OPCML: variants seen among roughly 807,000 people sequenced by gnomAD.
OPCML encodes opioid-binding protein/cell adhesion molecule.
OPCML carries 13 observed loss-of-function variants against 37.8 expected under a neutral mutation model. That is an observed-to-expected ratio of 0.34 (90% CI 0.22 to 0.55). The LOEUF (loss-of-function observed/expected upper bound fraction) is 0.55, where lower values mean the gene tolerates loss of function less well. Among genes scored for constraint, OPCML ranks in the 20% least tolerant of loss-of-function variants. The pLI is 0.91. For missense variants in OPCML, 341 were observed against 435.6 expected (o/e 0.78, Z 1.93); for synonymous variants, 176 against 168.8 (o/e 1.04, Z -0.33).
chr11:132,863,913 A>AT (rs60564335), intron 2 of OPCML, among the ~76,000 whole-genome samples: 5,456 of 150,860 alleles, frequency 0.036, 196 homozygotes, highest in South Asian at 0.18. Flanking sequence ...GTTATCACTG[A>AT]TTTTTTTTAT....
intron 1 of OPCML, among the ~76,000 whole-genome samples, chr11:133,431,419 T>TA (rs2136916976): frequency 6.6e-6 from 1 of 152,308 alleles, no homozygotes; most frequent in African/African-American, 2.4e-5. Flanking sequence ...CCTAACTACT[T>TA]ACTACAATAA....
intron 1 of OPCML, among the ~76,000 whole-genome samples, chr11:133,510,716 G>A (rs61262683): frequency 0.1 from 15,435 of 152,082 alleles, 1,545 homozygotes; most frequent in African/African-American, 0.26. Context: ...TGACCTACAC[G>A]TTACCATGGA....
chr11:132,947,911 T>C, intron 1 of OPCML, among the ~76,000 whole-genome samples: 1 of 152,246 alleles, frequency 6.6e-6, no homozygotes, highest in East Asian at 1.9e-4. Context: ...ATCCCAAATC[T>C]GGACATCTCA....
intron 1 of OPCML, among the ~76,000 whole-genome samples, chr11:133,216,478 G>A (rs1483525523): frequency 6.6e-6 from 1 of 152,164 alleles, no homozygotes; most frequent in Non-Finnish European, 1.5e-5. Flanking sequence ...AGAGAATGAG[G>A]CACTCATTCT....
intron 1 of OPCML, among the ~76,000 whole-genome samples, chr11:132,985,985 G>T (rs940033000): frequency 6.6e-6 from 1 of 152,136 alleles, no homozygotes; most frequent in African/African-American, 2.4e-5. Flanking sequence ...GGATAATTCT[G>T]TATCATACAT....
chr11:132,754,917 T>A (rs1387436602), intron 2 of OPCML, among the ~76,000 whole-genome samples: 1 of 152,178 alleles, frequency 6.6e-6, no homozygotes, highest in Non-Finnish European at 1.5e-5. Flanking sequence ...AGGGGTGGGA[T>A]GCATGGGAGG....
intron 1 of OPCML, among the ~76,000 whole-genome samples, chr11:133,343,246 G>A (rs1398897946): frequency 3.3e-5 from 5 of 152,042 alleles, no homozygotes; most frequent in South Asian, 4.2e-4. Flanking sequence ...GTAGTCACCC[G>A]CCCCTAATCA....
At chr11:133,250,543 A>AGGAAGGAAGGAAGGAGGGAG (rs1467055699) in intron 1 of OPCML, among the ~76,000 whole-genome samples, 172 of 77,672 alleles carry the variant, frequency 2.2e-3, no homozygotes, top group African/African-American at 6.9e-3. Context: ...GAGGGAAGGA[A>AGGAAGGAAGGAAGGAGGGAG]GGAAGGAAGG....
At chr11:132,665,042 G>T (rs2135797408) in intron 2 of OPCML, among the ~76,000 whole-genome samples, 1 of 152,296 alleles carries the variant, frequency 6.6e-6, no homozygotes, top group East Asian at 1.9e-4. Context: ...AACACCAGCT[G>T]GAGGGGAGAT....
chr11:133,355,779 T>G (rs889456413), intron 1 of OPCML, among the ~76,000 whole-genome samples: 6 of 152,158 alleles, frequency 3.9e-5, no homozygotes, highest in African/African-American at 1.4e-4. Context: ...TACCTCTCAG[T>G]CATTTAAAAT....
intron 1 of OPCML, among the ~76,000 whole-genome samples, chr11:133,471,620 C>T (rs1450879485): frequency 6.6e-6 from 1 of 151,840 alleles, no homozygotes; most frequent in Non-Finnish European, 1.5e-5. Flanking sequence ...AACATGATTT[C>T]TTAAAAAAAA....
At position 132,439,034 on chromosome 11, in the gene OPCML, T is replaced by G. The variant is rs903703284; in HGVS notation, c.506-1675A>C. Among the ~76,000 whole-genome samples, 3 of 152,184 alleles carry G rather than the reference T, an allele frequency of 2.0e-5. No homozygotes were observed. In the East Asian group the frequency reaches 5.8e-4, roughly 29 times the overall value. ...GTCACTGCAAATCAGCACCGTTCTG[T>G]TAGTCCAATCTGTGCAATTCCATGG... On this transcript the variant is annotated intron_variant, in intron 4 of 7. Coordinates refer to ENST00000524381, the MANE Select transcript of OPCML (RefSeq NM_001012393.5).
At chr11:133,384,599 T>C (rs560465282) in intron 1 of OPCML, among the ~76,000 whole-genome samples, 2 of 152,344 alleles carry the variant, frequency 1.3e-5, no homozygotes, top group African/African-American at 4.8e-5. Context: ...AGTCTATCAA[T>C]CCTAGCTCTT....
intron 1 of OPCML, among the ~76,000 whole-genome samples, chr11:133,505,780 G>A (rs369611478): frequency 1.3e-5 from 2 of 152,260 alleles, no homozygotes; most frequent in Non-Finnish European, 1.5e-5. Flanking sequence ...AACTATCACC[G>A]CTTCCTTCCT....
At chr11:133,387,174 C>T (rs1445538166) in intron 1 of OPCML, among the ~76,000 whole-genome samples, 2 of 152,182 alleles carry the variant, frequency 1.3e-5, no homozygotes, top group African/African-American at 4.8e-5. Context: ...AGGATCCAGG[C>T]TCAGGGCTTA....
chr11:133,358,201 C>T (rs1357287562), intron 1 of OPCML, among the ~76,000 whole-genome samples: 1 of 152,192 alleles, frequency 6.6e-6, no homozygotes, highest in East Asian at 1.9e-4. Flanking sequence ...CTCTGTACTC[C>T]ACAACATGCT....
intron 2 of OPCML, among the ~76,000 whole-genome samples, chr11:132,933,888 C>G (rs1025576457): frequency 6.6e-6 from 1 of 152,264 alleles, no homozygotes; most frequent in South Asian, 2.1e-4. Context: ...GACAATATCT[C>G]AGTGTAAGCC....
intron 2 of OPCML, among the ~76,000 whole-genome samples, chr11:132,726,845 C>T (rs1944903606): frequency 6.6e-6 from 1 of 152,164 alleles, no homozygotes; most frequent in Non-Finnish European, 1.5e-5. Flanking sequence ...GACATGGTTC[C>T]ATGTGCCTGA....
intron 1 of OPCML, among the ~76,000 whole-genome samples, chr11:133,035,805 A>G (rs1565410597): frequency 6.6e-6 from 1 of 152,150 alleles, no homozygotes; most frequent in East Asian, 1.9e-4. Context: ...GGACACATAA[A>G]TGAGTATGCC....
Sources: allele counts gnomAD v4.1 joint callset (sites outside exome capture counted in the v4.1 genomes callset), GRCh38; gene constraint gnomAD v4.1.1; transcripts MANE v1.5; gene names NCBI Gene and HGNC (gene_info 2026-07-23, HGNC 2026-07-21).